The following TSFM variants were observed in gnomAD, a reference collection of about 807,000 sequenced individuals.
The protein encoded by TSFM is Ts translation elongation factor, mitochondrial, also known as elongation factor Ts, mitochondrial.
Under a neutral mutation model 33.4 loss-of-function variants are expected in TSFM, and 29 were observed. That is an observed-to-expected ratio of 0.87 (90% CI 0.65 to 1.18). The LOEUF (loss-of-function observed/expected upper bound fraction) is 1.18. TSFM is among the 50% of genes most tolerant of loss of function. The pLI is 0.00. For missense variants in TSFM, 394 were observed against 395.6 expected, an observed-to-expected ratio of 1.00 and a Z score of 0.04; for synonymous variants, 178 against 163.5, an observed-to-expected ratio of 1.09 and a Z score of -0.68.
chr12:57,790,059 T>TC, intron 4 of TSFM, among the ~76,000 whole-genome samples: 1 of 99,046 alleles, frequency 1.0e-5, no homozygotes, highest in Non-Finnish European at 1.8e-5. Flanking sequence ...TTTCTTTCTT[T>TC]CTTTTTTTTT....
rs1955588881 is a variant in TSFM at position 57,786,199 on chromosome 12, G to A, written c.268G>A (p.Gly90Ser). 6.2e-7 allele frequency: 1 copy of A among 1,609,496 alleles called. No homozygotes were observed. The highest frequency in any genetic ancestry group is 1.7e-5 in the Admixed American group (1 of 59,188). ...IWLHKEAQKE[G>S]WSKAAKLQGR... ...GCTCCACAAGGAGGCCCAGAAGGAG[G>A]GCTGGAGCAAAGCTGCCAAGCTCCA... The change falls in exon 3 of 6, where the codon GGC becomes AGC. Residue 90 changes from glycine to serine, a missense_variant. Coordinates refer to ENST00000652027, the MANE Select transcript of TSFM (RefSeq NM_005726.6).
At chr12:57,787,508 T>G (rs1174202604) in intron 4 of TSFM, among the ~76,000 whole-genome samples, 2 of 152,186 alleles carry the variant, frequency 1.3e-5, no homozygotes, top group Non-Finnish European at 2.9e-5. Flanking sequence ...CAGTAAATCT[T>G]TGTCAGATGA....
chr12:57,802,257 C>T (rs1955863938), downstream of TSFM: 2 of 1,614,004 alleles, frequency 1.2e-6, no homozygotes, highest in South Asian at 1.1e-5. Context: ...GGGATCTCGG[C>T]CGCTGGGGTG....
intron 4 of TSFM, chr12:57,791,970 G>A (rs1955667962): frequency 5.3e-6 from 2 of 375,944 alleles, no homozygotes; most frequent in African/African-American, 2.1e-5. Context: ...GCCAGGTGCA[G>A]TGGCTCACGC....
chr12:57,790,060 CT>C (rs35382401), intron 4 of TSFM, among the ~76,000 whole-genome samples: 26,995 of 105,046 alleles, frequency 0.26, 2,536 homozygotes, highest in East Asian at 0.41. Flanking sequence ...TTCTTTCTTT[CT>C]TTTTTTTTTT....
downstream of TSFM, chr12:57,802,209 G>A: frequency 6.2e-7 from 1 of 1,614,060 alleles, no homozygotes. Flanking sequence ...GAAGATGGGA[G>A]GCTCAAACCC....
chr12:57,796,995 C>T lies in TSFM; in HGVS notation c.*412C>T, dbSNP rs184926061. 2.9e-5 allele frequency: 29 copies of T among 986,360 alleles called. No homozygotes were observed. The East Asian group carries it at 2.0e-3, about 69-fold the overall frequency. The allele number at this position is 986,360 out of a possible 1,614,324, so 61.1% of individuals were successfully genotyped here. On this transcript the variant is annotated 3_prime_UTR_variant, in exon 6 of 6. Transcript: ENST00000652027. ...CTCCCTAGTTATATTACTTGTGCCA[C>T]ATGGATTTCTTTAGGATTATTGATT...
chr12:57,785,100 G>A (rs1431957784), intron 2 of TSFM, among the ~76,000 whole-genome samples: 1 of 151,508 alleles, frequency 6.6e-6, no homozygotes, highest in Non-Finnish European at 1.5e-5. Context: ...CTAATTTTTT[G>A]TATTTTTAGT....
chr12:57,794,824 A>G (rs2140426588), intron 5 of TSFM, among the ~76,000 whole-genome samples: 1 of 152,196 alleles, frequency 6.6e-6, no homozygotes, highest in Non-Finnish European at 1.5e-5. Context: ...CAGTGGCACA[A>G]TCTCGGCTCA....
In TSFM at chr12:57,796,671, C is replaced by G. The variant is rs1955745386; in HGVS notation, c.*88C>G. On this transcript the variant is annotated 3_prime_UTR_variant, in exon 6 of 6. Coordinates refer to ENST00000652027, the MANE Select transcript of TSFM (RefSeq NM_005726.6). ...GGAATATTTCCCAAACCTCTTCAGACCGAGAATGCATGGGTAAAATTATTA... is the reference window on the plus strand; with the variant it reads ...GGAATATTTCCCAAACCTCTTCAGAGCGAGAATGCATGGGTAAAATTATTA... The G allele has an allele frequency of 3.2e-6, 4 of 1,261,928 alleles. No homozygotes were observed. Among genetic ancestry groups the G allele is most frequent in the Non-Finnish European group, 4.0e-6 (4 of 996,014 alleles). The allele number at this position is 1,261,928 out of a possible 1,614,324, so 78.2% of individuals were successfully genotyped here.
intron 2 of TSFM, among the ~76,000 whole-genome samples, chr12:57,784,381 C>G (rs1203040777): frequency 7.9e-5 from 12 of 152,236 alleles, no homozygotes; most frequent in African/African-American, 2.9e-4. Context: ...TACACATAAG[C>G]TACATTACAT....
rs575393835 is a variant in TSFM at position 57,783,052 on chromosome 12, C to T, written c.58-58C>T. 3.8e-6 allele frequency: 6 copies of T among 1,566,804 alleles called. No individual in the cohort carries two copies. The African/African-American group carries it at 8.1e-5, about 21-fold the overall frequency. Reference sequence around the variant, plus strand: ...TAAGGTCGCTTCCCTGCCCGTGTACCCTTCACCCTCTGGAGTTTGCTGCTT... The same window carrying T: ...TAAGGTCGCTTCCCTGCCCGTGTACTCTTCACCCTCTGGAGTTTGCTGCTT... On this transcript the variant is annotated intron_variant, in intron 1 of 5. Transcript: ENST00000652027.
chr12:57,789,091 AG>A (rs1955628141), intron 4 of TSFM, among the ~76,000 whole-genome samples: 1 of 150,602 alleles, frequency 6.6e-6, no homozygotes, highest in Non-Finnish European at 1.5e-5. Context: ...CCTCCCAAGT[AG>A]CTGGGATTAC....
downstream of TSFM, chr12:57,797,627 G>A (rs1955762610): frequency 2.2e-6 from 2 of 894,354 alleles, no homozygotes; most frequent in Non-Finnish European, 2.7e-6. Context: ...GATTTATGCA[G>A]TTTTAGTGCT....
chr12:57,788,122 T>A (rs905358966), intron 4 of TSFM, among the ~76,000 whole-genome samples: 1 of 152,230 alleles, frequency 6.6e-6, no homozygotes, highest in Non-Finnish European at 1.5e-5. Context: ...TCTCTTGAGA[T>A]GTCTTGGTAA....
chr12:57,795,072 C>CAT (rs56126635), intron 5 of TSFM, among the ~76,000 whole-genome samples: 2,223 of 135,110 alleles, frequency 0.016, 37 homozygotes, highest in African/African-American at 0.042. Context: ...GTTAATGCTC[C>CAT]ATATATATAT....
chr12:57,794,420 A>G (rs1392743027), intron 5 of TSFM, among the ~76,000 whole-genome samples: 2 of 152,184 alleles, frequency 1.3e-5, no homozygotes, highest in Admixed American at 6.5e-5. Flanking sequence ...GAGAAAGGGG[A>G]AAAATAAGTT....
At chr12:57,802,397 TA>T, downstream of TSFM, 1 of 1,544,062 alleles carries the variant, frequency 6.5e-7, no homozygotes, top group Non-Finnish European at 8.8e-7. Flanking sequence ...TACCAAGGAC[TA>T]AGTACTAGAT....
intron 4 of TSFM, among the ~76,000 whole-genome samples, chr12:57,788,150 C>T (rs1322347526): frequency 6.6e-6 from 1 of 151,940 alleles, no homozygotes; most frequent in Non-Finnish European, 1.5e-5. Flanking sequence ...TTATTATTGG[C>T]ATTACATAGT....
Sources: gnomAD v4.1 joint callset for allele counts (sites outside exome capture counted in the v4.1 genomes callset) on GRCh38, gnomAD v4.1.1 for gene constraint, MANE v1.5 for transcripts, NCBI Gene and HGNC (gene_info 2026-07-23, HGNC 2026-07-21) for gene names.